Variants in THSD7A observed in about 807,000 individuals in gnomAD.
THSD7A encodes the protein thrombospondin type-1 domain-containing protein 7A.
A neutral mutation model predicts 231.3 loss-of-function variants in THSD7A; 96 were observed. That is an observed-to-expected ratio of 0.41 (90% CI 0.35 to 0.49). The LOEUF (loss-of-function observed/expected upper bound fraction) is 0.49, where lower values mean the gene tolerates loss of function less well. Ranked by LOEUF, THSD7A falls within the 20% of genes least tolerant of loss-of-function variation. THSD7A has a pLI of 0.05. For missense variants in THSD7A, 2,290 were observed against 2,070.2 expected (o/e 1.11, Z -2.06); for synonymous variants, 940 against 743.3 (o/e 1.26, Z -4.30).
intron 2 of THSD7A, among the ~76,000 whole-genome samples, chr7:11,616,514 A>C (rs947584100): frequency 2.0e-5 from 3 of 152,144 alleles, no homozygotes; most frequent in Non-Finnish European, 4.4e-5. Context: ...GTATTGCTTT[A>C]CACAGTCCAA....
rs534964768 is a variant in THSD7A, at chr7:11,755,729, C to T, written c.190+76028G>A. Among the ~76,000 whole-genome samples the T allele has an allele frequency of 1.6e-4, 25 of 152,130 alleles. No homozygotes were observed. The South Asian group carries it at 5.2e-3, about 32-fold the overall frequency. On this transcript the variant is annotated intron_variant, in intron 1 of 27. Transcript: ENST00000423059. ...GCACAGTCACTGGCTCAGAGCAGACCAGGGGAAGGGTTGTTCATTTTGCTT... is the reference window on the plus strand; with the variant it reads ...GCACAGTCACTGGCTCAGAGCAGACTAGGGGAAGGGTTGTTCATTTTGCTT...
intron 2 of THSD7A, among the ~76,000 whole-genome samples, chr7:11,601,155 T>G (rs1489867263): frequency 6.6e-6 from 1 of 152,200 alleles, no homozygotes; most frequent in Non-Finnish European, 1.5e-5. Flanking sequence ...TTAGATACAT[T>G]TCTTATTCTT....
At chr7:11,769,135 A>ATTTTTTTTTTTT (rs1562541189) in intron 1 of THSD7A, among the ~76,000 whole-genome samples, 2 of 36,606 alleles carry the variant, frequency 5.5e-5, no homozygotes, top group Non-Finnish European at 1.2e-4. Context: ...ATATATATAT[A>ATTTTTTTTTTTT]TATATATATA....
chr7:11,430,983 C>T (rs1408916035), intron 13 of THSD7A, among the ~76,000 whole-genome samples: 1 of 152,152 alleles, frequency 6.6e-6, no homozygotes, highest in Non-Finnish European at 1.5e-5. Context: ...TGTGGGCATA[C>T]ATTTTCAATT....
intron 4 of THSD7A, among the ~76,000 whole-genome samples, chr7:11,564,099 C>T (rs1490422313): frequency 2.0e-5 from 3 of 152,134 alleles, no homozygotes; most frequent in African/African-American, 7.2e-5. Context: ...GGTTTACAAT[C>T]GAGTGAAAGA....
intron 1 of THSD7A, among the ~76,000 whole-genome samples, chr7:11,650,377 T>C (rs1404669585): frequency 6.6e-6 from 1 of 152,050 alleles, no homozygotes; most frequent in African/African-American, 2.4e-5. Flanking sequence ...CACAATACAA[T>C]GTGTTTCATT....
chr7:11,598,512 C>A (rs1171394772), intron 2 of THSD7A, among the ~76,000 whole-genome samples: 1 of 152,200 alleles, frequency 6.6e-6, no homozygotes, highest in East Asian at 1.9e-4. Flanking sequence ...ACATGGACTT[C>A]CACTCACCAA....
At chr7:11,538,948 T>C (rs1789028485) in intron 6 of THSD7A, among the ~76,000 whole-genome samples, 1 of 152,202 alleles carries the variant, frequency 6.6e-6, no homozygotes, top group Admixed American at 6.5e-5. Flanking sequence ...ATTAACAAAG[T>C]TGTGAAATCT....
chr7:11,587,479 A>G (rs911189647), intron 4 of THSD7A, among the ~76,000 whole-genome samples: 1 of 152,144 alleles, frequency 6.6e-6, no homozygotes, highest in Non-Finnish European at 1.5e-5. Context: ...TAAAATATAG[A>G]CACTCTCCAA....
chr7:11,485,531 A>G (rs190429276), intron 6 of THSD7A, among the ~76,000 whole-genome samples: 2 of 152,344 alleles, frequency 1.3e-5, no homozygotes, highest in East Asian at 3.9e-4. Context: ...TAACCTTTTG[A>G]CATCAGTATT....
intron 4 of THSD7A, among the ~76,000 whole-genome samples, chr7:11,543,982 GTCTA>G (rs111602258): frequency 3.4e-4 from 51 of 152,082 alleles, no homozygotes; most frequent in Admixed American, 8.5e-4. Context: ...TATAATATCT[GTCTA>G]TCTATCTATA....
At chr7:11,650,803 T>C (rs1418268436) in intron 1 of THSD7A, among the ~76,000 whole-genome samples, 1 of 140,780 alleles carries the variant, frequency 7.1e-6, no homozygotes, top group Admixed American at 7.5e-5. Flanking sequence ...GTGGTAGATG[T>C]ATTTGTTTTG....
intron 1 of THSD7A, among the ~76,000 whole-genome samples, chr7:11,777,546 G>A (rs112993229): frequency 2.3e-4 from 35 of 151,910 alleles, no homozygotes; most frequent in African/African-American, 8.4e-4. Flanking sequence ...TACCCATGTG[G>A]ACATATCATC....
In THSD7A at chr7:11,373,266, A is replaced by T. The variant is rs923621140; in HGVS notation, c.*2528T>A. On this transcript the variant is annotated 3_prime_UTR_variant, in exon 28 of 28. Transcript: ENST00000423059. ...AGCTTTAGTAGGTATTCTATCCCAC[A>T]TTTCAAAATTAATAGGTGTTGCACA... The T allele has an allele frequency of 2.6e-5, 4 of 152,050 alleles. No homozygotes were observed. The highest frequency in any genetic ancestry group is 4.4e-5 in the Non-Finnish European group (3 of 67,972). 9.4% of individuals were successfully genotyped at this position (152,050 alleles called of 1,614,324 possible). A position where few individuals can be genotyped will look rare whatever the true frequency, so the allele number is the denominator to read the frequency against.
chr7:11,635,707 G>C (rs1428793237), intron 2 of THSD7A, among the ~76,000 whole-genome samples: 2 of 151,868 alleles, frequency 1.3e-5, no homozygotes, highest in African/African-American at 4.8e-5. Context: ...TTGTTTATAG[G>C]GTAATTCTGA....
At chr7:11,789,286 C>T (rs142809983) in intron 1 of THSD7A, among the ~76,000 whole-genome samples, 1 of 152,070 alleles carries the variant, frequency 6.6e-6, no homozygotes, top group Non-Finnish European at 1.5e-5. Flanking sequence ...TAGGCCGTTG[C>T]TGGTAACTGT....
At chr7:11,546,206 A>ACACACACACACACACACACACG (rs1789388049) in intron 4 of THSD7A, among the ~76,000 whole-genome samples, 1 of 106,300 alleles carries the variant, frequency 9.4e-6, no homozygotes, top group Admixed American at 1.1e-4. Flanking sequence ...GCGCGCGCTC[A>ACACACACACACACACACACACG]CACACACACA....
rs1322427615 is a variant in THSD7A, at chr7:11,567,095, A to G, written c.1453+23365T>C. Among the ~76,000 whole-genome samples, 5 of 152,038 alleles carry G rather than the reference A, an allele frequency of 3.3e-5. No homozygotes were observed. The East Asian group carries it at 9.7e-4, about 29-fold the overall frequency. On this transcript the variant is annotated intron_variant, in intron 4 of 27. Transcript: ENST00000423059. ...ACTAAGTAAAAGCTAATAATCCTTT[A>G]GGGCCCAATATCCCATGTATTATTC...
chr7:11,460,633 G>T, intron 11 of THSD7A, 29 bp downstream of exon 11: 1 of 1,563,078 alleles, frequency 6.4e-7, no homozygotes, highest in Non-Finnish European at 8.7e-7. Flanking sequence ...CGATGCTGGA[G>T]AAATGAACTG....
Sources: allele counts gnomAD v4.1 joint callset (sites outside exome capture counted in the v4.1 genomes callset), GRCh38; gene constraint gnomAD v4.1.1; transcripts MANE v1.5; gene names NCBI Gene and HGNC (gene_info 2026-07-23, HGNC 2026-07-21).